The following HTR1B variants were observed in gnomAD, a reference collection of about 807,000 sequenced individuals.
The protein encoded by HTR1B is 5-hydroxytryptamine receptor 1B, also known as 5-hydroxytryptamine (serotonin) receptor 1B, G protein-coupled.
HTR1B carries 12 observed loss-of-function variants against 25.3 expected under a neutral mutation model. The observed-to-expected ratio is 0.47, with a 90% CI of 0.30 to 0.77. The LOEUF is 0.77. Among genes scored for constraint, HTR1B ranks in the 30% least tolerant of loss-of-function variants. HTR1B has a pLI of 0.06. For missense variants in HTR1B, 453 were observed against 503.0 expected (o/e 0.90, Z 0.95); for synonymous variants, 224 against 219.1 (o/e 1.02, Z -0.20).
chr6:77,463,158 G>A lies in HTR1B; in HGVS notation c.246C>T (p.Thr82=). ...ATVYRTRKLH[T]PANYLIASLA... ...GAGAGGCGATCAGGTAGTTAGCCGG[G>A]GTGTGCAGTTTCCGGGTCCGGTACA... The change falls in exon 1 of 1, where the codon ACC becomes ACT. Residue 82 remains threonine, a synonymous_variant. Transcript: ENST00000369947. The A allele has an allele frequency of 1.2e-6, 2 of 1,614,246 alleles. No homozygotes were observed. The highest frequency in any genetic ancestry group is 1.1e-5 in the South Asian group (1 of 91,090).
chr6:77,463,467 GA>G lies in HTR1B; in HGVS notation c.-65del. 1 of 1,396,476 alleles carries G rather than the reference GA, an allele frequency of 7.2e-7. No homozygotes were observed. The highest frequency in any genetic ancestry group is 1.3e-5 in the South Asian group (1 of 77,442). The allele number at this position is 1,396,476 out of a possible 1,614,324, so 86.5% of individuals were successfully genotyped here. On this transcript the variant is annotated 5_prime_UTR_variant, in exon 1 of 1. Transcript: ENST00000369947. Reference sequence around the variant, plus strand: ...CATGGAGCGGACGAAGGAGAGGGCGGAAGGACCGTGGCGATCGCAGGTTTGT... The same window carrying G: ...CATGGAGCGGACGAAGGAGAGGGCGGAGGACCGTGGCGATCGCAGGTTTGT...
chr6:77,462,958 C>G lies in HTR1B; in HGVS notation c.446G>C (p.Trp149Ser). 6.2e-7 allele frequency: 1 copy of G among 1,614,052 alleles called. No individual in the cohort carries two copies. Among genetic ancestry groups the G allele is most frequent in the East Asian group, 2.2e-5 (1 of 44,862 alleles). Reference sequence around the variant, plus strand: ...GTACTCCACGGCGTCCGTGATGGCCCAGTAGCGGTCCAGGGCGATGACACA... The same window carrying G: ...GTACTCCACGGCGTCCGTGATGGCCGAGTAGCGGTCCAGGGCGATGACACA... ...HLCVIALDRY[W>S]AITDAVEYSA... is the part of the protein sequence containing the mutation. The change falls in exon 1 of 1, where the codon TGG becomes TCG. Residue 149 changes from tryptophan to serine, a missense_variant. Physicochemically the swap from Trp to Ser is radical, Grantham distance 177 (BLOSUM62 -3). Coordinates refer to ENST00000369947, the MANE Select transcript of HTR1B (RefSeq NM_000863.3). The surrounding 1 kb of genome is among the most constrained non-coding windows in gnomAD (Gnocchi z 4.9).
Position 77,462,286 on chromosome 6 carries a change from T to G in HTR1B, c.1118A>C (p.Asn373Thr), listed in dbSNP as rs1766148889. 1 of 1,613,992 alleles carries G rather than the reference T, an allele frequency of 6.2e-7. No individual in the cohort carries two copies. Among genetic ancestry groups the G allele is most frequent in the Non-Finnish European group, 8.5e-7 (1 of 1,179,984 alleles). The change falls in exon 1 of 1, where the codon AAT becomes ACT. Residue 373 changes from asparagine to threonine, a missense_variant. Physicochemically the swap from Asn to Thr is moderately conservative, Grantham distance 65. Transcript: ENST00000369947. This position sits in a 1 kb window ranked among gnomAD's most constrained non-coding sequence, Gnocchi z 4.9. ...ATGGAATGCTTGTTTAAAGTCCTCA[T>G]TGGACATGGTATAGATTATGGGGTT... Reference protein sequence around the residue: ...LINPIIYTMSNEDFKQAFHKL... With the variant: ...LINPIIYTMSTEDFKQAFHKL...
At position 77,461,988 on chromosome 6, in the gene HTR1B, G is replaced by A. The variant is rs1766143103; in HGVS notation, c.*243C>T. 6.1e-6 allele frequency: 3 copies of A among 494,062 alleles called. No homozygotes were observed. Among genetic ancestry groups the A allele is most frequent in the Admixed American group, 7.2e-5 (2 of 27,798 alleles). The allele number at this position is 494,062 out of a possible 1,614,324, so 30.6% of individuals were successfully genotyped here. A position where few individuals can be genotyped will look rare whatever the true frequency, so the allele number is the denominator to read the frequency against. Reference sequence around the variant, plus strand: ...CTGCCGCAGGGTCAGTGCTGAGCCCGGGGCTTGAGGGGAGGAAGTGAGCCT... The same window carrying A: ...CTGCCGCAGGGTCAGTGCTGAGCCCAGGGCTTGAGGGGAGGAAGTGAGCCT... On this transcript the variant is annotated 3_prime_UTR_variant, in exon 1 of 1. Coordinates refer to ENST00000369947, the MANE Select transcript of HTR1B (RefSeq NM_000863.3).
In HTR1B at chr6:77,463,378, G is replaced by A. The variant is rs746855180; in HGVS notation, c.26C>T (p.Ala9Val). The change falls in exon 1 of 1, where the codon GCT becomes GTT. Residue 9 changes from alanine (A) to valine (V), a missense_variant. This residue lies in a region of HTR1B where 129 missense variants were observed against 118.3 expected (regional missense o/e 1.09). Transcript: ENST00000369947. MEEPGAQCAPPPPAGSETW... is the reference protein window; with the variant it reads MEEPGAQCVPPPPAGSETW... ...CTCGGAGCCCGCGGGCGGCGGTGGAGCGCACTGAGCACCCGGTTCCTCCAT... is the reference window on the plus strand; with the variant it reads ...CTCGGAGCCCGCGGGCGGCGGTGGAACGCACTGAGCACCCGGTTCCTCCAT... 6.2e-7 allele frequency: 1 copy of A among 1,613,234 alleles called. No homozygotes were observed. The highest frequency in any genetic ancestry group is 1.7e-5 in the Admixed American group (1 of 60,014).
In HTR1B at chr6:77,462,540, G is replaced by A. The variant is rs1161134823; in HGVS notation, c.864C>T (p.Asn288=). 1 of 1,613,628 alleles carries A rather than the reference G, an allele frequency of 6.2e-7. No individual in the cohort carries two copies. Among genetic ancestry groups the A allele is most frequent in the South Asian group, 1.1e-5 (1 of 91,064 alleles). ...CGTCGGAGACTCGCACTTTGACTTG[G>A]TTCACATACACAGGAGATCCGGATT... ...PSESGSPVYV[N]QVKVRVSDAL... Residue 288 remains asparagine (N), a synonymous_variant, in exon 1 of 1, where the codon AAC becomes AAT. Coordinates refer to ENST00000369947, the MANE Select transcript of HTR1B (RefSeq NM_000863.3). This position sits in a 1 kb window ranked among gnomAD's most constrained non-coding sequence, Gnocchi z 4.9.
rs919721300 is a variant in HTR1B, at chr6:77,461,295, T to C, written c.*936A>G. Among the ~76,000 whole-genome samples, 5 of 152,192 alleles carry C rather than the reference T, an allele frequency of 3.3e-5. No homozygotes were observed. The highest frequency in any genetic ancestry group is 2.0e-4 in the Admixed American group (3 of 15,280). On this transcript the variant is annotated 3_prime_UTR_variant, in exon 1 of 1. Coordinates refer to ENST00000369947, the MANE Select transcript of HTR1B (RefSeq NM_000863.3). The stretch of plus-strand genomic sequence containing the variant: ...TTACCAATTGCATTAGTAAGAAATA[T>C]AGCAGCAGTGTGGGCTGAGTCACCC...
At position 77,461,648 on chromosome 6, in the gene HTR1B, C is replaced by A. The variant is rs532960125; in HGVS notation, c.*583G>T. 6.7e-6 allele frequency: 1 copy of A among 150,310 alleles called. No homozygotes were observed. Among genetic ancestry groups the A allele is most frequent in the Admixed American group, 6.7e-5 (1 of 14,938 alleles). 9.3% of individuals were successfully genotyped at this position (150,310 alleles called of 1,614,324 possible). On this transcript the variant is annotated 3_prime_UTR_variant, in exon 1 of 1. Coordinates refer to ENST00000369947, the MANE Select transcript of HTR1B (RefSeq NM_000863.3). Reference sequence around the variant, plus strand: ...TCAAGGTTTCTCTGCGCCATCCAAGCCACACATAGGGTTTGAAGCACCAAA... The same window carrying A: ...TCAAGGTTTCTCTGCGCCATCCAAGACACACATAGGGTTTGAAGCACCAAA...
chr6:77,462,120 G>C lies in HTR1B; in HGVS notation c.*111C>G. The C allele has an allele frequency of 5.6e-6, 4 of 719,456 alleles. No homozygotes were observed. Among genetic ancestry groups the C allele is most frequent in the Non-Finnish European group, 9.6e-6 (4 of 418,280 alleles). 44.6% of individuals were successfully genotyped at this position (719,456 alleles called of 1,614,324 possible). On this transcript the variant is annotated 3_prime_UTR_variant, in exon 1 of 1. Coordinates refer to ENST00000369947, the MANE Select transcript of HTR1B (RefSeq NM_000863.3). This position sits in a 1 kb window ranked among gnomAD's most constrained non-coding sequence, Gnocchi z 4.9. ...GGATCCATTGCCCTTGCCCAGGAGA[G>C]AGAGCCTCGCTGGGACCCAGAAACC... is the stretch of plus-strand genomic sequence containing the variant.
In HTR1B at chr6:77,461,989, G is replaced by A. The variant is rs1443336102; in HGVS notation, c.*242C>T. On this transcript the variant is annotated 3_prime_UTR_variant, in exon 1 of 1. Transcript: ENST00000369947. Reference sequence around the variant, plus strand: ...TGCCGCAGGGTCAGTGCTGAGCCCGGGGCTTGAGGGGAGGAAGTGAGCCTC... The same window carrying A: ...TGCCGCAGGGTCAGTGCTGAGCCCGAGGCTTGAGGGGAGGAAGTGAGCCTC... 2.0e-6 allele frequency: 1 copy of A among 501,676 alleles called. No homozygotes were observed. The highest frequency in any genetic ancestry group is 3.6e-6 in the Non-Finnish European group (1 of 281,522). 31.1% of individuals were successfully genotyped at this position (501,676 alleles called of 1,614,324 possible). A position where few individuals can be genotyped will look rare whatever the true frequency, so the allele number is the denominator to read the frequency against.
chr6:77,462,581 G>A lies in HTR1B; in HGVS notation c.823C>T (p.Pro275Ser). The A allele has an allele frequency of 6.2e-7, 1 of 1,613,164 alleles. No homozygotes were observed. Among genetic ancestry groups the A allele is most frequent in the Non-Finnish European group, 8.5e-7 (1 of 1,180,026 alleles). The change falls in exon 1 of 1, where the codon CCC becomes TCC. Residue 275 changes from proline (P) to serine (S), a missense_variant. This residue lies in a region of HTR1B where 289 missense variants were observed against 319.6 expected (regional missense o/e 0.90). Transcript: ENST00000369947. The surrounding 1 kb of genome is among the most constrained non-coding windows in gnomAD (Gnocchi z 4.9). Reference sequence around the variant, plus strand: ...GATCCGGATTCGCTGGGCACGTCGGGAACCCGCGAGTTAATAGAGGTGACC... The same window carrying A: ...GATCCGGATTCGCTGGGCACGTCGGAAACCCGCGAGTTAATAGAGGTGACC... ...SSVTSINSRV[P>S]DVPSESGSPV...
chr6:77,462,620 C>T lies in HTR1B; in HGVS notation c.784G>A (p.Gly262Arg), dbSNP rs755115863. 15 of 1,612,828 alleles carry T rather than the reference C, an allele frequency of 9.3e-6. No individual in the cohort carries two copies. The East Asian group carries it at 2.2e-4, about 24-fold the overall frequency. ...ATAGAGGTGACCGAGGACGTGGACC[C>T]GGGGGAGTCGGTTATCAGCTGGGCT... is the stretch of plus-strand genomic sequence containing the variant. Reference protein sequence around the residue: ...TRAQLITDSPGSTSSVTSINS... With the variant: ...TRAQLITDSPRSTSSVTSINS... The change falls in exon 1 of 1, where the codon GGG becomes AGG. Residue 262 changes from glycine to arginine, a missense_variant. This residue lies in a region of HTR1B where 289 missense variants were observed against 319.6 expected (regional missense o/e 0.90). Transcript: ENST00000369947. The surrounding 1 kb of genome is among the most constrained non-coding windows in gnomAD (Gnocchi z 4.9).
chr6:77,462,173 A>G lies in HTR1B; in HGVS notation c.*58T>C. On this transcript the variant is annotated 3_prime_UTR_variant, in exon 1 of 1. Transcript: ENST00000369947. This position sits in a 1 kb window ranked among gnomAD's most constrained non-coding sequence, Gnocchi z 4.9. ...GAAAGAAGATTCGACCTACCTGTGGAACCAGACACAACTTGGTCCCCAAAG... is the reference window on the plus strand; with the variant it reads ...GAAAGAAGATTCGACCTACCTGTGGGACCAGACACAACTTGGTCCCCAAAG... 1 of 1,194,752 alleles carries G rather than the reference A, an allele frequency of 8.4e-7. No individual in the cohort carries two copies. The highest frequency in any genetic ancestry group is 1.9e-5 in the Admixed American group (1 of 51,528). The allele number at this position is 1,194,752 out of a possible 1,614,324, so 74.0% of individuals were successfully genotyped here. A position where few individuals can be genotyped will look rare whatever the true frequency, so the allele number is the denominator to read the frequency against.
Position 77,462,148 on chromosome 6 carries a change from G to T in HTR1B, c.*83C>A. 1 of 951,628 alleles carries T rather than the reference G, an allele frequency of 1.1e-6. No homozygotes were observed. The highest frequency in any genetic ancestry group is 1.6e-6 in the Non-Finnish European group (1 of 615,020). The allele number at this position is 951,628 out of a possible 1,614,324, so 58.9% of individuals were successfully genotyped here. A position where few individuals can be genotyped will look rare whatever the true frequency, so the allele number is the denominator to read the frequency against. On this transcript the variant is annotated 3_prime_UTR_variant, in exon 1 of 1. Coordinates refer to ENST00000369947, the MANE Select transcript of HTR1B (RefSeq NM_000863.3). The surrounding 1 kb of genome is among the most constrained non-coding windows in gnomAD (Gnocchi z 4.9). ...AGCCTCGCTGGGACCCAGAAACCGC[G>T]AAAGAAGATTCGACCTACCTGTGGA...
Position 77,462,546 on chromosome 6 carries a change from A to T in HTR1B, c.858T>A (p.Tyr286Ter). Residue 286 changes from tyrosine to a stop codon, truncating the protein, a stop_gained, in exon 1 of 1, where the codon TAT becomes TAA. Transcript: ENST00000369947. LOFTEE classifies it high-confidence loss of function. This position sits in a 1 kb window ranked among gnomAD's most constrained non-coding sequence, Gnocchi z 4.9. ...AGACTCGCACTTTGACTTGGTTCAC[A>T]TACACAGGAGATCCGGATTCGCTGG... ...DVPSESGSPV[Y>*]VNQVKVRVSD... 1 of 1,613,608 alleles carries T rather than the reference A, an allele frequency of 6.2e-7. No individual in the cohort carries two copies.
At position 77,462,356 on chromosome 6, in the gene HTR1B, T is replaced by C. The variant is rs200717047; in HGVS notation, c.1048A>G (p.Ile350Val). 1.2e-4 allele frequency: 196 copies of C among 1,613,964 alleles called. No individual in the cohort carries two copies. Among genetic ancestry groups the C allele is most frequent in the Non-Finnish European group, 1.6e-4 (191 of 1,179,990 alleles). ...CKDACWFHLA[I>V]FDFFTWLGYL... ...CCCAGCCATGTGAAGAAGTCAAAGA[T>C]GGCTAGGTGGAACCAGCAGGCATCT... Residue 350 changes from isoleucine (I) to valine (V), a missense_variant, in exon 1 of 1, where the codon ATC becomes GTC. Ile to Val is a conservative substitution (Grantham distance 29, BLOSUM62 3). This residue lies in a region of HTR1B where 289 missense variants were observed against 319.6 expected (regional missense o/e 0.90). Coordinates refer to ENST00000369947, the MANE Select transcript of HTR1B (RefSeq NM_000863.3). The surrounding 1 kb of genome is among the most constrained non-coding windows in gnomAD (Gnocchi z 4.9).
Position 77,463,172 on chromosome 6 carries a change from G to A in HTR1B, c.232C>T (p.Arg78Trp). 6.2e-7 allele frequency: 1 copy of A among 1,614,246 alleles called. No homozygotes were observed. Among genetic ancestry groups the A allele is most frequent in the Non-Finnish European group, 8.5e-7 (1 of 1,180,050 alleles). ...AFVIATVYRT[R>W]KLHTPANYLI... is the part of the protein sequence containing the mutation. ...TAGTTAGCCGGGGTGTGCAGTTTCC[G>A]GGTCCGGTACACTGTGGCAATCACA... The change falls in exon 1 of 1, where the codon CGG becomes TGG. Residue 78 changes from arginine to tryptophan, a missense_variant. Physicochemically the swap from Arg to Trp is moderately radical, Grantham distance 101 (BLOSUM62 -3). This residue lies in a region of HTR1B where 129 missense variants were observed against 118.3 expected (regional missense o/e 1.09). Coordinates refer to ENST00000369947, the MANE Select transcript of HTR1B (RefSeq NM_000863.3).
At position 77,462,715 on chromosome 6, in the gene HTR1B, C is replaced by A; in HGVS notation, c.689G>T (p.Arg230Leu). Residue 230 changes from arginine to leucine, a missense_variant, in exon 1 of 1, where the codon CGC becomes CTC. Physicochemically the swap from Arg to Leu is moderately radical, Grantham distance 102 (BLOSUM62 -2). Transcript: ENST00000369947. The surrounding 1 kb of genome is among the most constrained non-coding windows in gnomAD (Gnocchi z 4.9). Reference protein sequence around the residue: ...PTLLLIALYGRIYVEARSRIL... With the variant: ...PTLLLIALYGLIYVEARSRIL... ...CCGGGAGCGGGCTTCTACGTAGATG[C>A]GGCCATAGAGGGCGATGAGGAGCAG... 6.2e-7 allele frequency: 1 copy of A among 1,613,782 alleles called. No homozygotes were observed. Among genetic ancestry groups the A allele is most frequent in the Non-Finnish European group, 8.5e-7 (1 of 1,180,026 alleles).
At position 77,463,256 on chromosome 6, in the gene HTR1B, C is replaced by G; in HGVS notation, c.148G>C (p.Val50Leu). The change falls in exon 1 of 1, where the codon GTA becomes CTA. Residue 50 changes from valine to leucine, a missense_variant. This residue lies in a region of HTR1B where 129 missense variants were observed against 118.3 expected (regional missense o/e 1.09). Coordinates refer to ENST00000369947, the MANE Select transcript of HTR1B (RefSeq NM_000863.3). ...AGCGCCAATAGCATAACCAGCAGTACTTTCCAGGGTAGGGAGATGGAGTCC... is the reference window on the plus strand; with the variant it reads ...AGCGCCAATAGCATAACCAGCAGTAGTTTCCAGGGTAGGGAGATGGAGTCC... ...YQDSISLPWK[V>L]LLVMLLALIT... 1 of 1,614,226 alleles carries G rather than the reference C, an allele frequency of 6.2e-7. No individual in the cohort carries two copies.
Sources: allele counts gnomAD v4.1 joint callset (sites outside exome capture counted in the v4.1 genomes callset), GRCh38; gene constraint gnomAD v4.1.1; regional missense constraint gnomAD v4.1.1; non-coding constraint Gnocchi (gnomAD v3.1); transcripts MANE v1.5; gene names NCBI Gene and HGNC (gene_info 2026-07-23, HGNC 2026-07-21).